Variants in RSRC2 observed in about 807,000 individuals in gnomAD.
RSRC2 encodes arginine/serine-rich coiled-coil protein 2.
RSRC2 carries 5 observed loss-of-function variants against 61.3 expected under a neutral mutation model. That is an observed-to-expected ratio of 0.08 (90% CI 0.04 to 0.17). RSRC2 has a LOEUF of 0.17. RSRC2 is among the 10% of genes least tolerant of loss of function. The probability of loss-of-function intolerance (pLI) is 1.00; values close to 1 mark genes in which losing one functional copy is unlikely to be tolerated. For missense variants in RSRC2, 381 were observed against 518.8 expected (o/e 0.73, Z 2.58); for synonymous variants, 202 against 166.5 (o/e 1.21, Z -1.64).
chr12:122,514,998 A>T (rs1174692968), intron 6 of RSRC2, 107 bp downstream of exon 6: 8 of 1,227,016 alleles, frequency 6.5e-6, no homozygotes, highest in Non-Finnish European at 9.2e-6. Context: ...CCACCATATT[A>T]CTAAAGTATG....
intron 7 of RSRC2, among the ~76,000 whole-genome samples, chr12:122,510,450 A>G (rs1353349144): frequency 2.6e-5 from 4 of 152,202 alleles, no homozygotes; most frequent in Non-Finnish European, 5.9e-5. Flanking sequence ...AATCGCTTAA[A>G]TCCAAGAGGC....
intron 1 of RSRC2, among the ~76,000 whole-genome samples, chr12:122,525,203 G>A (rs1319238616): frequency 6.6e-6 from 1 of 151,962 alleles, no homozygotes; most frequent in South Asian, 2.1e-4. Flanking sequence ...GTGAAACCCC[G>A]TCTCTACCAA....
At chr12:122,510,675 T>A (rs1958440147) in intron 7 of RSRC2, among the ~76,000 whole-genome samples, 1 of 151,896 alleles carries the variant, frequency 6.6e-6, no homozygotes, top group Non-Finnish European at 1.5e-5. Context: ...ACGTTTACAG[T>A]GTACTGATGG....
chr12:122,522,037 G>C lies in RSRC2; in HGVS notation c.163+106C>G, dbSNP rs540604659. On this transcript the variant is annotated intron_variant, in intron 2 of 9. Coordinates refer to ENST00000331738, the MANE Select transcript of RSRC2 (RefSeq NM_023012.6). ...CAAAGTGCTGGCATTACAGGCTTGA[G>C]CCACCATGCCCAGCCAACAAACTAA... 5 of 1,193,530 alleles carry C rather than the reference G, an allele frequency of 4.2e-6. No homozygotes were observed. In the African/African-American group the frequency reaches 7.8e-5, roughly 19 times the overall value. 73.9% of individuals were successfully genotyped at this position (1,193,530 alleles called of 1,614,324 possible).
chr12:122,517,545 A>G lies in RSRC2; in HGVS notation c.399-115T>C, dbSNP rs138344282. On this transcript the variant is annotated intron_variant, in intron 4 of 9. Transcript: ENST00000331738. ...ATAAAGACAAGCAAGTAACTGCACT[A>G]TATTATTTACAGAAATAAGCGAGAT... 1,926 of 1,206,970 alleles carry G rather than the reference A, an allele frequency of 1.6e-3. 75 individuals are homozygous for G. The Admixed American group carries it at 0.041, about 26-fold the overall frequency. 74.8% of individuals were successfully genotyped at this position (1,206,970 alleles called of 1,614,324 possible).
chr12:122,521,317 T>C (rs1214270720), intron 3 of RSRC2, 68 bp downstream of exon 3: 3 of 1,246,368 alleles, frequency 2.4e-6, no homozygotes, highest in East Asian at 2.3e-5. Flanking sequence ...CTTATATTCA[T>C]ACAAATCTTT....
At chr12:122,515,494 C>A (rs1958837676) in intron 5 of RSRC2, among the ~76,000 whole-genome samples, 1 of 152,112 alleles carries the variant, frequency 6.6e-6, no homozygotes. Context: ...CCAGAGTACA[C>A]AGGTCTACAA....
Position 122,512,052 on chromosome 12 carries a change from C to T in RSRC2, c.726-864G>A, listed in dbSNP as rs527627806. On this transcript the variant is annotated intron_variant, in intron 6 of 9. Coordinates refer to ENST00000331738, the MANE Select transcript of RSRC2 (RefSeq NM_023012.6). Reference sequence around the variant, plus strand: ...CAAACTCCTGACCTTCTGATCCGCCCGCCTTGGCCTCCCGAAGTGCTGGCA... The same window carrying T: ...CAAACTCCTGACCTTCTGATCCGCCTGCCTTGGCCTCCCGAAGTGCTGGCA... 1.9e-3 allele frequency among the ~76,000 whole-genome samples: 291 copies of T among 152,226 alleles called. 4 individuals are homozygous for T. The highest frequency in any genetic ancestry group is 6.6e-3 in the African/African-American group (273 of 41,542).
intron 9 of RSRC2, chr12:122,506,595 G>C: frequency 2.4e-6 from 1 of 409,984 alleles, no homozygotes; most frequent in Admixed American, 4.1e-5. Flanking sequence ...AAGTGACAGA[G>C]CAAGCAGAGC....
chr12:122,506,988 TCAAC>T (rs1461962967), intron 8 of RSRC2, 65 bp from the exon 9 acceptor site: 9 of 843,474 alleles, frequency 1.1e-5, no homozygotes, highest in African/African-American at 1.7e-5. Flanking sequence ...ATGAAATCTC[TCAAC>T]AATGTCTAAA....
chr12:122,505,735 G>A (rs765583618), intron 9 of RSRC2, 29 bp from the exon 10 acceptor site: 2 of 1,563,676 alleles, frequency 1.3e-6, no homozygotes, highest in South Asian at 1.1e-5. Context: ...ACATTACAAT[G>A]AATTCAGATG....
chr12:122,515,581 T>G (rs1243100394), intron 5 of RSRC2, among the ~76,000 whole-genome samples: 1 of 152,216 alleles, frequency 6.6e-6, no homozygotes, highest in African/African-American at 2.4e-5. Context: ...CCTTATACAT[T>G]AGTCATTTTG....
At chr12:122,524,935 C>G (rs949226658) in intron 1 of RSRC2, among the ~76,000 whole-genome samples, 3 of 152,168 alleles carry the variant, frequency 2.0e-5, no homozygotes, top group African/African-American at 7.2e-5. Context: ...GTTGCAAACT[C>G]TAATAACGGC....
Position 122,522,166 on chromosome 12 carries a change from G to A in RSRC2, c.140C>T (p.Ser47Leu). 1 of 1,611,776 alleles carries A rather than the reference G, an allele frequency of 6.2e-7. No individual in the cohort carries two copies. ...ACCTGACTTTCGTTTTCTTTCTCTT[G>A]ACCTTGATCGTGATCTTGAATAATG... ...KHHYSRSRSR[S>L]RERKRKSDNE... Residue 47 changes from serine (S) to leucine (L), a missense_variant, in exon 2 of 10, where the codon TCA (serine) becomes TTA (leucine). Transcript: ENST00000331738.
chr12:122,507,350 C>T (rs926632038), intron 8 of RSRC2: 1 of 170,898 alleles, frequency 5.9e-6, no homozygotes, highest in Non-Finnish European at 1.3e-5. Flanking sequence ...CCACTGCATT[C>T]CAGCCTGGGT....
intron 4 of RSRC2, 132 bp from the exon 5 acceptor site, chr12:122,517,562 A>G (rs1298467305): frequency 1.8e-6 from 2 of 1,097,006 alleles, no homozygotes; most frequent in East Asian, 5.2e-5. Context: ...TTACAGAAAT[A>G]AGCGAGATTT....
intron 3 of RSRC2, chr12:122,520,719 G>A (rs1959186501): frequency 4.3e-6 from 2 of 461,906 alleles, no homozygotes; most frequent in East Asian, 7.0e-5. Flanking sequence ...TCTTGTTTTA[G>A]GAGTCCCTTA....
intron 6 of RSRC2, among the ~76,000 whole-genome samples, chr12:122,511,797 T>C (rs1958531810): frequency 6.9e-6 from 1 of 144,570 alleles, no homozygotes; most frequent in South Asian, 2.3e-4. Context: ...AAACACAAAT[T>C]CATCCCAAAA....
At chr12:122,509,392 G>T (rs1014870823) in intron 7 of RSRC2, among the ~76,000 whole-genome samples, 2 of 151,708 alleles carry the variant, frequency 1.3e-5, no homozygotes, top group Admixed American at 1.3e-4. Context: ...GGAGGTTGTT[G>T]TGAGTCAGGA....
Sources: gnomAD v4.1 joint callset for allele counts (sites outside exome capture counted in the v4.1 genomes callset) on GRCh38, gnomAD v4.1.1 for gene constraint, MANE v1.5 for transcripts, NCBI Gene and HGNC (gene_info 2026-07-23, HGNC 2026-07-21) for gene names.